Variants in LY96 observed in about 807,000 individuals in gnomAD.
LY96 encodes lymphocyte antigen 96, also known as myeloid differentiation protein-2.
In LY96, 18 loss-of-function variants were observed where a neutral mutation model predicts 18.9. The ratio of observed to expected loss-of-function variants is 0.95; its 90% CI spans 0.66 to 1.41. The LOEUF is 1.41. Among genes scored for constraint, LY96 ranks in the 40% most tolerant of loss-of-function variants. The probability of loss-of-function intolerance (pLI) is 0.00; values close to 1 mark genes in which losing one functional copy is unlikely to be tolerated. For missense variants in LY96, 175 were observed against 182.4 expected (o/e 0.96, Z 0.23); for synonymous variants, 66 against 62.6 (o/e 1.06, Z -0.26).
At chr8:74,081,090 T>TTCCTTCCTTCCTTCCTTCC in the LY96 span, among the ~76,000 whole-genome samples, 1 of 113,178 alleles carries the variant, frequency 8.8e-6, no homozygotes, top group African/African-American at 3.8e-5. Flanking sequence ...TCTTTCTCTC[T>TTCCTTCCTTCCTTCCTTCC]TTCTTTCTTT....
chr8:74,088,605 T>C, the LY96 span, among the ~76,000 whole-genome samples: 1 of 152,118 alleles, frequency 6.6e-6, no homozygotes, highest in Admixed American at 6.6e-5. Context: ...ATTTATTTAT[T>C]GAGAGAGTCT....
intron 3 of LY96, among the ~76,000 whole-genome samples, chr8:74,013,951 A>G (rs1218184155): frequency 6.6e-6 from 1 of 152,062 alleles, no homozygotes; most frequent in Non-Finnish European, 1.5e-5. Flanking sequence ...ACTAGCATCC[A>G]TATGGCAGGA....
At chr8:74,057,399 T>C in the LY96 span, among the ~76,000 whole-genome samples, 1 of 152,192 alleles carries the variant, frequency 6.6e-6, no homozygotes, top group Middle Eastern at 3.2e-3. Flanking sequence ...GTTTAGAAAA[T>C]ATCATGATGT....
chr8:74,077,126 G>A, the LY96 span, among the ~76,000 whole-genome samples: 1 of 152,166 alleles, frequency 6.6e-6, no homozygotes, highest in Non-Finnish European at 1.5e-5. Flanking sequence ...GCCAGAGAGT[G>A]GTTCGTGGCT....
At chr8:74,055,574 C>T in the LY96 span, among the ~76,000 whole-genome samples, 1 of 152,152 alleles carries the variant, frequency 6.6e-6, no homozygotes, top group Non-Finnish European at 1.5e-5. Context: ...CTCAAAGATA[C>T]CCACATCCTA....
intron 3 of LY96, among the ~76,000 whole-genome samples, chr8:74,011,113 G>C (rs371469700): frequency 1.3e-5 from 2 of 151,980 alleles, no homozygotes; most frequent in African/African-American, 4.8e-5. Flanking sequence ...TTACGTTCTG[G>C]TTATCTGAAG....
intron 2 of LY96, among the ~76,000 whole-genome samples, chr8:74,009,178 C>T (rs535446072): frequency 5.3e-5 from 8 of 150,912 alleles, no homozygotes; most frequent in Admixed American, 3.3e-4. Flanking sequence ...GGGTGGATCA[C>T]GAGGTCAGGA....
chr8:74,093,581 GGT>G, the LY96 span, among the ~76,000 whole-genome samples: 503 of 152,188 alleles, frequency 3.3e-3, 2 homozygotes, highest in African/African-American at 0.011. Context: ...GATCGGAGGT[GGT>G]GTGTGTGTGG....
chr8:74,040,935 C>T, the LY96 span, among the ~76,000 whole-genome samples: 3 of 152,008 alleles, frequency 2.0e-5, no homozygotes, highest in African/African-American at 7.2e-5. Flanking sequence ...ATCTCCTGAC[C>T]TCGTGATCCA....
At chr8:74,089,425 A>G in the LY96 span, among the ~76,000 whole-genome samples, 2 of 152,016 alleles carry the variant, frequency 1.3e-5, no homozygotes, top group Non-Finnish European at 2.9e-5. Flanking sequence ...GAACACATCC[A>G]TGTATCTGGC....
the LY96 span, among the ~76,000 whole-genome samples, chr8:74,067,773 A>G: frequency 6.6e-6 from 1 of 152,070 alleles, no homozygotes; most frequent in East Asian, 1.9e-4. Context: ...GATATAAAAC[A>G]TTTCCAGACC....
chr8:74,063,788 G>A, the LY96 span, among the ~76,000 whole-genome samples: 241 of 151,658 alleles, frequency 1.6e-3, no homozygotes, highest in Middle Eastern at 3.4e-3. Context: ...GTGTAAGAAC[G>A]TAACAAATAC....
the LY96 span, among the ~76,000 whole-genome samples, chr8:74,075,272 T>C: frequency 6.6e-6 from 1 of 152,222 alleles, no homozygotes; most frequent in South Asian, 2.1e-4. Context: ...AAAAATTATT[T>C]GTATTTTTTA....
chr8:74,078,049 G>A, the LY96 span, among the ~76,000 whole-genome samples: 235 of 151,766 alleles, frequency 1.5e-3, 2 homozygotes, highest in African/African-American at 5.0e-3. Context: ...TTGAGGCTGC[G>A]ATGAGCAGGG....
chr8:74,081,006 CTT>C, the LY96 span, among the ~76,000 whole-genome samples: 47 of 126,926 alleles, frequency 3.7e-4, no homozygotes, highest in Admixed American at 1.9e-3. Context: ...TTCTTTCTTT[CTT>C]TCTTTCTTTC....
At chr8:74,038,511 C>T in the LY96 span, among the ~76,000 whole-genome samples, 1 of 152,152 alleles carries the variant, frequency 6.6e-6, no homozygotes, top group Non-Finnish European at 1.5e-5. Context: ...CATGTTGTTG[C>T]AAATAATAGG....
chr8:74,051,620 G>A, the LY96 span, among the ~76,000 whole-genome samples: 1 of 152,136 alleles, frequency 6.6e-6, no homozygotes, highest in East Asian at 1.9e-4. Context: ...AGGTGGCGGG[G>A]TCTTGGGGGA....
At chr8:74,023,964 T>C (rs1816819519) in intron 3 of LY96, among the ~76,000 whole-genome samples, 1 of 152,224 alleles carries the variant, frequency 6.6e-6, no homozygotes, top group African/African-American at 2.4e-5. Context: ...TTTTATGTTC[T>C]AGTAACTTTA....
the LY96 span, among the ~76,000 whole-genome samples, chr8:74,077,724 T>C: frequency 6.6e-6 from 1 of 151,640 alleles, no homozygotes; most frequent in Non-Finnish European, 1.5e-5. Flanking sequence ...TATATAAATA[T>C]GTAAAAATTA....
Sources: allele counts gnomAD v4.1 joint callset (sites outside exome capture counted in the v4.1 genomes callset), GRCh38; gene constraint gnomAD v4.1.1; transcripts MANE v1.5; gene names NCBI Gene and HGNC (gene_info 2026-07-23, HGNC 2026-07-21).